Variants in ARL6 observed in about 807,000 individuals in gnomAD.
ARL6 encodes the protein ADP-ribosylation factor-like protein 6.
Under a neutral mutation model 27.1 loss-of-function variants are expected in ARL6, and 18 were observed. The ratio of observed to expected loss-of-function variants is 0.66; its 90% CI spans 0.46 to 0.98. ARL6 has a LOEUF of 0.98. ARL6 is among the 50% of genes least tolerant of loss of function. The pLI is 0.00. For missense variants in ARL6, 187 were observed against 214.9 expected (o/e 0.87, Z 0.81); for synonymous variants, 65 against 72.3 (o/e 0.90, Z 0.51).
chr3:97,784,966 C>G lies in ARL6; in HGVS notation c.266C>G (p.Ala89Gly), dbSNP rs587777805. ...LWEHYYKEGQ[A>G]IIFVIDSSDR... ...TTTACATTACACAGAGAAGGCCAAG[C>G]TATTATTTTTGTCATTGATAGTAGT... Residue 89 changes from alanine to glycine, a missense_variant, in exon 5 of 8, where the codon GCT becomes GGT. By Grantham distance (60) the Ala-to-Gly change is moderately conservative. Coordinates refer to ENST00000463745, the MANE Select transcript of ARL6 (RefSeq NM_001278293.3). 1.9e-5 allele frequency: 30 copies of G among 1,611,186 alleles called. No homozygotes were observed. The highest frequency in any genetic ancestry group is 8.8e-5 in the South Asian group (8 of 91,010).
At chr3:97,780,128 A>G in intron 2 of ARL6, 31 bp from the exon 3 acceptor site, 1 of 1,581,306 alleles carries the variant, frequency 6.3e-7, no homozygotes, top group Non-Finnish European at 8.7e-7. Context: ...TGGTAATTGT[A>G]AATTTCTGAA....
intron 6 of ARL6, among the ~76,000 whole-genome samples, 199 bp downstream of exon 6, chr3:97,788,318 G>C (rs1309917105): frequency 6.6e-6 from 1 of 151,974 alleles, no homozygotes; most frequent in Non-Finnish European, 1.5e-5. Flanking sequence ...AATTTTTGGG[G>C]GGATAGGAAA....
chr3:97,764,579 C>A (rs1295421407), upstream of ARL6: 1 of 152,362 alleles, frequency 6.6e-6, no homozygotes, highest in Non-Finnish European at 1.5e-5. Flanking sequence ...AGGCAGCTCA[C>A]CCTGCCACCT....
chr3:97,792,976 A>T (rs73138803), intron 7 of ARL6, among the ~76,000 whole-genome samples: 6,621 of 151,790 alleles, frequency 0.044, 208 homozygotes, highest in Non-Finnish European at 0.068. Context: ...TTTTTTTTTT[A>T]AATCTTCTGC....
intron 1 of ARL6, chr3:97,766,086 C>T (rs920837165): frequency 1.3e-5 from 2 of 152,078 alleles, no homozygotes; most frequent in Non-Finnish European, 1.5e-5. Context: ...AGTCACAATA[C>T]AAGGTACTGT....
At chr3:97,794,092 A>T (rs1421458995) in intron 7 of ARL6, among the ~76,000 whole-genome samples, 1 of 152,154 alleles carries the variant, frequency 6.6e-6, no homozygotes, top group African/African-American at 2.4e-5. Flanking sequence ...CACTCTATTT[A>T]AAAAAGGTGG....
chr3:97,774,316 TCCGGGATTTTAGTTTAGAATCCCC>T (rs1272006832), intron 2 of ARL6, among the ~76,000 whole-genome samples: 1 of 152,116 alleles, frequency 6.6e-6, no homozygotes, highest in African/African-American at 2.4e-5. Flanking sequence ...GTTTAGTTAT[TCCGGGATTTTAGTTTAGAATCCCC>T]CCGGGATTCT....
chr3:97,770,869 G>T (rs2036606806), intron 2 of ARL6, among the ~76,000 whole-genome samples: 1 of 151,930 alleles, frequency 6.6e-6, no homozygotes, highest in African/African-American at 2.4e-5. Context: ...GTTCTCTTCT[G>T]TTGGTCTGTG....
chr3:97,772,591 C>T (rs1217902586), intron 2 of ARL6, among the ~76,000 whole-genome samples: 2 of 147,838 alleles, frequency 1.4e-5, no homozygotes, highest in East Asian at 2.0e-4. Flanking sequence ...GTTCGAGGTG[C>T]ATCATTGGGT....
At chr3:97,767,354 G>A (rs114105905) in intron 1 of ARL6, among the ~76,000 whole-genome samples, 1 of 152,202 alleles carries the variant, frequency 6.6e-6, no homozygotes, top group Non-Finnish European at 1.5e-5. Flanking sequence ...CAGATATTTA[G>A]TAAGGTTCAA....
intron 1 of ARL6, 96 bp from the exon 2 acceptor site, chr3:97,767,985 G>A (rs2036462666): frequency 2.8e-6 from 3 of 1,059,310 alleles, no homozygotes; most frequent in Non-Finnish European, 2.8e-6. Context: ...CTATTATTAT[G>A]TGTATTTAAA....
Position 97,770,503 on chromosome 3 carries a change from G to A in ARL6, c.123+2273G>A, listed in dbSNP as rs570410583. 2.0e-5 allele frequency among the ~76,000 whole-genome samples: 3 copies of A among 152,110 alleles called. No homozygotes were observed. In the South Asian group the frequency reaches 6.2e-4, roughly 32 times the overall value. On this transcript the variant is annotated intron_variant, in intron 2 of 7. Coordinates refer to ENST00000463745, the MANE Select transcript of ARL6 (RefSeq NM_001278293.3). ...ATTCTGTAGATTATCTCTTCACTTTGTTGATTGTTTCCTTTGCTGTGTAGA... is the reference window on the plus strand; with the variant it reads ...ATTCTGTAGATTATCTCTTCACTTTATTGATTGTTTCCTTTGCTGTGTAGA...
intron 2 of ARL6, among the ~76,000 whole-genome samples, chr3:97,769,423 T>G (rs372783486): frequency 9.2e-5 from 14 of 152,254 alleles, no homozygotes; most frequent in African/African-American, 3.4e-4. Flanking sequence ...TATCATTTTT[T>G]ATTGATACAA....
chr3:97,784,889 TG>T, intron 4 of ARL6, 65 bp from the exon 5 acceptor site: 1 of 1,144,944 alleles, frequency 8.7e-7, no homozygotes, highest in Non-Finnish European at 1.3e-6. Flanking sequence ...GAAATGCCCA[TG>T]GATAATAAAC....
At chr3:97,781,884 T>C (rs1166256107) in intron 4 of ARL6, among the ~76,000 whole-genome samples, 1 of 152,114 alleles carries the variant, frequency 6.6e-6, no homozygotes, top group South Asian at 2.1e-4. Context: ...ATTTACCAGA[T>C]AAGATTTAGA....
At chr3:97,778,500 T>A (rs951973747) in intron 2 of ARL6, among the ~76,000 whole-genome samples, 5 of 152,130 alleles carry the variant, frequency 3.3e-5, no homozygotes, top group African/African-American at 1.2e-4. Context: ...CCAGAGTGAA[T>A]GTAATAGTGT....
chr3:97,796,812 G>C (rs1158791423), intron 7 of ARL6, among the ~76,000 whole-genome samples: 1 of 152,158 alleles, frequency 6.6e-6, no homozygotes. Context: ...ATTGGGAAAT[G>C]CCTGGAAGAG....
At chr3:97,768,373 C>A in intron 2 of ARL6, 143 bp downstream of exon 2, 2 of 775,044 alleles carry the variant, frequency 2.6e-6, no homozygotes, top group South Asian at 1.8e-5. Flanking sequence ...GTATCCTCAG[C>A]CATAATTTGC....
Position 97,798,110 on chromosome 3 carries a change from G to T in ARL6, c.*61G>T. On this transcript the variant is annotated 3_prime_UTR_variant, in exon 8 of 8. Transcript: ENST00000463745. ...TCAAGGAATCTATCTAAGACAAATAGAATACATTTTGTAAAAGATGTTTAT... is the reference window on the plus strand; with the variant it reads ...TCAAGGAATCTATCTAAGACAAATATAATACATTTTGTAAAAGATGTTTAT... 6.6e-7 allele frequency: 1 copy of T among 1,521,676 alleles called. No individual in the cohort carries two copies. Among genetic ancestry groups the T allele is most frequent in the African/African-American group, 1.4e-5 (1 of 72,806 alleles). 94.3% of individuals were successfully genotyped at this position (1,521,676 alleles called of 1,614,324 possible).
Sources: allele counts gnomAD v4.1 joint callset (sites outside exome capture counted in the v4.1 genomes callset), GRCh38; gene constraint gnomAD v4.1.1; transcripts MANE v1.5; gene names NCBI Gene and HGNC (gene_info 2026-07-23, HGNC 2026-07-21).